The following SAMD12 variants were observed in gnomAD, a reference collection of about 807,000 sequenced individuals.
The protein encoded by SAMD12 is sterile alpha motif domain-containing protein 12.
A neutral mutation model predicts 15.0 loss-of-function variants in SAMD12; 9 were observed. That is an observed-to-expected ratio of 0.60 (90% CI 0.36 to 1.05). The LOEUF (loss-of-function observed/expected upper bound fraction) is 1.05, where lower values mean the gene tolerates loss of function less well. Ranked by LOEUF, SAMD12 falls within the 50% of genes least tolerant of loss-of-function variation. SAMD12 has a pLI of 0.01. For synonymous variants in SAMD12, 86 were observed against 90.1 expected, an observed-to-expected ratio of 0.96 and a Z score of 0.25; for missense variants, 230 against 234.2, an observed-to-expected ratio of 0.98 and a Z score of 0.12.
rs536833937 is a variant in SAMD12 at position 118,577,863 on chromosome 8, T to A, written c.192+2852A>T. On this transcript the variant is annotated intron_variant, in intron 2 of 3. Transcript: ENST00000314727. ...GAAATTCAGCACCCTAAAAGCGTAA[T>A]ACTAACCCAACAAACAGAAAAAGTC... 5.9e-5 allele frequency among the ~76,000 whole-genome samples: 9 copies of A among 152,228 alleles called. No individual in the cohort carries two copies. The South Asian group carries it at 1.9e-3, about 32-fold the overall frequency.
chr8:118,466,307 A>T (rs1230301896), intron 2 of SAMD12, among the ~76,000 whole-genome samples: 1 of 152,220 alleles, frequency 6.6e-6, no homozygotes, highest in African/African-American at 2.4e-5. Flanking sequence ...CACAGCTAAC[A>T]TTTGTTGAGT....
Position 118,601,068 on chromosome 8 carries a change from A to G in SAMD12, c.14-20175T>C, listed in dbSNP as rs114844149. Among the ~76,000 whole-genome samples the G allele has an allele frequency of 5.7e-3, 871 of 152,294 alleles. 7 individuals are homozygous for G. The highest frequency in any genetic ancestry group is 0.019 in the African/African-American group (810 of 41,556). ...CAAAATGCCTTGACTGCTATGCAAAACCAAAAACCATACAAAAAGAAAAAG... is the reference window on the plus strand; with the variant it reads ...CAAAATGCCTTGACTGCTATGCAAAGCCAAAAACCATACAAAAAGAAAAAG... On this transcript the variant is annotated intron_variant, in intron 1 of 3. Transcript: ENST00000314727.
At chr8:118,563,701 C>T (rs16891204) in intron 2 of SAMD12, among the ~76,000 whole-genome samples, 8,181 of 152,278 alleles carry the variant, frequency 0.054, 294 homozygotes, top group Non-Finnish European at 0.082. Flanking sequence ...AATTCACTTC[C>T]GGCAGGCTAC....
chr8:118,299,186 G>A (rs1814884670), intron 4 of SAMD12, among the ~76,000 whole-genome samples: 1 of 152,166 alleles, frequency 6.6e-6, no homozygotes, highest in African/African-American at 2.4e-5. Flanking sequence ...ACATGGGAAG[G>A]TCTAGAGGGA....
chr8:118,393,423 G>A (rs113123712), intron 3 of SAMD12, among the ~76,000 whole-genome samples: 2,261 of 150,544 alleles, frequency 0.015, 65 homozygotes, highest in African/African-American at 0.053. Context: ...TTATTTTTTC[G>A]TAGAGATAGG....
At chr8:118,142,914 T>C in the SAMD12 span, among the ~76,000 whole-genome samples, 1 of 152,140 alleles carries the variant, frequency 6.6e-6, no homozygotes, top group Non-Finnish European at 1.5e-5. Context: ...GACCCAGAGA[T>C]GTGTTAGAAT....
chr8:118,167,154 A>G, the SAMD12 span, among the ~76,000 whole-genome samples: 650 of 152,192 alleles, frequency 4.3e-3, 2 homozygotes, highest in African/African-American at 0.015. Context: ...CCTCTCAAGG[A>G]AAATAGTTCT....
intron 4 of SAMD12, chr8:118,295,582 T>G (rs960566873): frequency 6.6e-5 from 10 of 151,586 alleles, no homozygotes; most frequent in Admixed American, 2.6e-4. Flanking sequence ...GTGAGAAAAA[T>G]AAGTTATATC....
Position 118,580,716 on chromosome 8 carries a change from TTAGCCGTCTCAGCTTCTGCCTG to T in SAMD12, c.169_190del (p.Gln57SerfsTer5). On this transcript the variant is annotated frameshift_variant and splice_region_variant, in exon 2 of 4. Coordinates refer to ENST00000314727, the MANE Select transcript of SAMD12 (RefSeq NM_207506.3). LOFTEE classifies it high-confidence loss of function. ...GTAATTAACTGGAATATTACGCACC[TTAGCCGTCTCAGCTTCTGCCTG>T]CAGTCGCTTGGGAGTTCCTTTCTGG... is the stretch of plus-strand genomic sequence containing the variant. The T allele has an allele frequency of 1.2e-6, 2 of 1,611,188 alleles. No homozygotes were observed. Among genetic ancestry groups the T allele is most frequent in the Non-Finnish European group, 1.7e-6 (2 of 1,177,790 alleles).
At chr8:118,208,753 G>C (rs1217624449) in intron 4 of SAMD12, among the ~76,000 whole-genome samples, 2 of 152,122 alleles carry the variant, frequency 1.3e-5, no homozygotes, top group African/African-American at 4.8e-5. Flanking sequence ...TACCATATTT[G>C]ACAGCGCCAC....
At chr8:118,196,549 A>T (rs1458065447) in exon 5 of SAMD12, 1 of 152,176 alleles carries the variant, frequency 6.6e-6, no homozygotes, top group Admixed American at 6.5e-5. Flanking sequence ...AGGATTAACA[A>T]GGGACTAGTA....
At chr8:118,515,185 A>ATTTTTTTTTTTTTTTTTTTTTTTTTT (rs55864364) in intron 2 of SAMD12, among the ~76,000 whole-genome samples, 1 of 103,314 alleles carries the variant, frequency 9.7e-6, no homozygotes, top group African/African-American at 3.9e-5. Flanking sequence ...CGCCCAGCTA[A>ATTTTTTTTTTTTTTTTTTTTTTTTTT]TTTTTTTTTT....
intron 4 of SAMD12, among the ~76,000 whole-genome samples, chr8:118,212,826 C>G (rs1811866351): frequency 6.6e-6 from 1 of 152,128 alleles, no homozygotes; most frequent in African/African-American, 2.4e-5. Context: ...TGCCATGTGA[C>G]CTACAGTGAT....
chr8:118,428,965 T>A (rs750556168), intron 3 of SAMD12, among the ~76,000 whole-genome samples: 1 of 152,326 alleles, frequency 6.6e-6, no homozygotes, highest in Middle Eastern at 3.4e-3. Context: ...AATGTGTTCA[T>A]TTTATTTTAA....
chr8:118,564,671 GC>G (rs1826801409), intron 2 of SAMD12, among the ~76,000 whole-genome samples: 1 of 152,210 alleles, frequency 6.6e-6, no homozygotes, highest in Non-Finnish European at 1.5e-5. Flanking sequence ...AGTGCTTACA[GC>G]CTAAGAGTAT....
chr8:118,260,133 C>T (rs950480634), intron 4 of SAMD12, among the ~76,000 whole-genome samples: 2 of 152,116 alleles, frequency 1.3e-5, no homozygotes, highest in Non-Finnish European at 2.9e-5. Flanking sequence ...GGGTAATATT[C>T]TCCAACAATC....
intron 2 of SAMD12, among the ~76,000 whole-genome samples, chr8:118,445,579 A>G (rs1461673193): frequency 6.6e-6 from 1 of 152,180 alleles, no homozygotes; most frequent in Admixed American, 6.5e-5. Flanking sequence ...ATAAATATAC[A>G]TAGTGCATTT....
At chr8:118,247,738 A>G (rs1812729027) in intron 4 of SAMD12, among the ~76,000 whole-genome samples, 1 of 152,012 alleles carries the variant, frequency 6.6e-6, no homozygotes, top group Non-Finnish European at 1.5e-5. Context: ...GACTACAGGC[A>G]CGCACCACCA....
At chr8:118,516,639 T>G (rs1187195042) in intron 2 of SAMD12, among the ~76,000 whole-genome samples, 1 of 45,636 alleles carries the variant, frequency 2.2e-5, no homozygotes, top group Non-Finnish European at 4.8e-5. Context: ...TCTTTCTTTC[T>G]TTTTTTTTTT....
Sources: allele counts gnomAD v4.1 joint callset (sites outside exome capture counted in the v4.1 genomes callset), GRCh38; gene constraint gnomAD v4.1.1; transcripts MANE v1.5; gene names NCBI Gene and HGNC (gene_info 2026-07-23, HGNC 2026-07-21).